AZIN2: variants seen among roughly 807,000 people sequenced by gnomAD.
The protein encoded by AZIN2 is ODC antizyme inhibitor-2.
A neutral mutation model predicts 47.8 loss-of-function variants in AZIN2; 28 were observed. The observed-to-expected ratio is 0.59, with a 90% CI of 0.43 to 0.80. AZIN2 has a LOEUF of 0.80. Ranked by LOEUF, AZIN2 falls within the 30% of genes least tolerant of loss-of-function variation. The probability of loss-of-function intolerance (pLI) is 0.00; values close to 1 mark genes in which losing one functional copy is unlikely to be tolerated. For missense variants in AZIN2, 535 were observed against 582.5 expected, an observed-to-expected ratio of 0.92 and a Z score of 0.84; for synonymous variants, 221 against 239.4, an observed-to-expected ratio of 0.92 and a Z score of 0.71.
chr1:33,100,437 T>A (rs1643591214), intron 10 of AZIN2, among the ~76,000 whole-genome samples: 1 of 152,230 alleles, frequency 6.6e-6, no homozygotes, highest in South Asian at 2.1e-4. Context: ...TTTTGGTTTT[T>A]ATTTTTATAA....
At chr1:33,096,348 C>T (rs1643149760) in intron 8 of AZIN2, among the ~76,000 whole-genome samples, 1 of 152,132 alleles carries the variant, frequency 6.6e-6, no homozygotes, top group South Asian at 2.1e-4. Context: ...CCACACGGTT[C>T]AAACCTGTGT....
the AZIN2 span, among the ~76,000 whole-genome samples, chr1:33,160,616 G>C: frequency 1.3e-5 from 2 of 152,050 alleles, no homozygotes; most frequent in African/African-American, 2.4e-5. Context: ...TGTTGGCCAG[G>C]CTGGTCTCAA....
At chr1:33,159,692 C>T in the AZIN2 span, 40 of 1,606,534 alleles carry the variant, frequency 2.5e-5, no homozygotes, top group East Asian at 4.5e-5. This position sits in a 1 kb window ranked among gnomAD's most constrained non-coding sequence, Gnocchi z 4.2. Context: ...ACTTACCGCT[C>T]GGACAGTGAG....
intron 5 of AZIN2, among the ~76,000 whole-genome samples, chr1:33,084,731 G>A (rs1235270749): frequency 1.3e-5 from 2 of 152,004 alleles, no homozygotes; most frequent in Non-Finnish European, 2.9e-5. Context: ...CCGAGTAGAT[G>A]GGATTACAGG....
At chr1:33,135,095 G>A in the AZIN2 span, among the ~76,000 whole-genome samples, 2 of 152,274 alleles carry the variant, frequency 1.3e-5, no homozygotes, top group African/African-American at 2.4e-5. Context: ...AGACCAGCCT[G>A]GCCAACATGG....
intron 10 of AZIN2, among the ~76,000 whole-genome samples, chr1:33,099,630 C>T (rs901742519): frequency 2.0e-5 from 3 of 152,208 alleles, no homozygotes; most frequent in Non-Finnish European, 4.4e-5. Context: ...ACTGCCACGC[C>T]CCCCACCGGG....
At chr1:33,104,791 G>A (rs755026975) in intron 10 of AZIN2, among the ~76,000 whole-genome samples, 1 of 152,042 alleles carries the variant, frequency 6.6e-6, no homozygotes, top group Non-Finnish European at 1.5e-5. Context: ...CTCCACCTCC[G>A]AGGCTCAAGC....
the AZIN2 span, chr1:33,158,159 AC>A: frequency 8.6e-7 from 1 of 1,162,794 alleles, no homozygotes; most frequent in Non-Finnish European, 1.3e-6. Flanking sequence ...CTGCTCATTC[AC>A]CCCAACTGCC....
intron 8 of AZIN2, 68 bp from the exon 9 acceptor site, chr1:33,096,639 G>C: frequency 6.4e-7 from 1 of 1,573,208 alleles, no homozygotes; most frequent in South Asian, 1.1e-5. Flanking sequence ...ACTTGGAGCT[G>C]TAGCAAGTCT....
chr1:33,098,195 G>C lies in AZIN2; in HGVS notation c.1029+16G>C. The C allele has an allele frequency of 6.4e-7, 1 of 1,572,660 alleles. No individual in the cohort carries two copies. Among genetic ancestry groups the C allele is most frequent in the South Asian group, 1.1e-5 (1 of 87,770 alleles). On this transcript the variant is annotated intron_variant, in intron 10 of 11. Coordinates refer to ENST00000294517, the MANE Select transcript of AZIN2 (RefSeq NM_052998.4). ...CCTGCAGAAGGTGAGCTTACCCCAC[G>C]TGGGCCTGTTTTCAGTTGTGTGTGT...
intron 8 of AZIN2, among the ~76,000 whole-genome samples, chr1:33,095,027 C>T (rs1330576377): frequency 6.6e-6 from 1 of 152,214 alleles, no homozygotes; most frequent in African/African-American, 2.4e-5. Flanking sequence ...TAGGCCTCTT[C>T]ACCCTAAGGT....
chr1:33,117,297 T>A (rs891009922), intron 10 of AZIN2, among the ~76,000 whole-genome samples: 4 of 152,064 alleles, frequency 2.6e-5, no homozygotes, highest in African/African-American at 9.7e-5. Flanking sequence ...TACTGCTGGC[T>A]CCTGTTGTGG....
At chr1:33,090,383 AATCAGGTGCC>A (rs1557674736) in intron 5 of AZIN2, among the ~76,000 whole-genome samples, 1 of 152,180 alleles carries the variant, frequency 6.6e-6, no homozygotes, top group East Asian at 1.9e-4. Flanking sequence ...TTAATGCAGC[AATCAGGTGCC>A]CACAGGTTCT....
At chr1:33,117,537 G>A (rs929263169) in intron 10 of AZIN2, among the ~76,000 whole-genome samples, 1 of 152,190 alleles carries the variant, frequency 6.6e-6, no homozygotes, top group Non-Finnish European at 1.5e-5. Flanking sequence ...GCCGTGTGCC[G>A]CCACTGTTCT....
At chr1:33,131,122 C>G in the AZIN2 span, among the ~76,000 whole-genome samples, 1 of 152,124 alleles carries the variant, frequency 6.6e-6, no homozygotes, top group Admixed American at 6.5e-5. Flanking sequence ...CCACTGTGAG[C>G]TGGGGAAGAA....
At chr1:33,083,592 T>G (rs1557661461) in intron 4 of AZIN2, 4 of 339,640 alleles carry the variant, frequency 1.2e-5, no homozygotes, top group East Asian at 7.0e-5. Flanking sequence ...AGAGTTGCCT[T>G]ATTGGTTTGG....
At chr1:33,094,829 G>A in intron 8 of AZIN2, 116 bp downstream of exon 8, 40 of 1,079,530 alleles carry the variant, frequency 3.7e-5, no homozygotes, top group Non-Finnish European at 4.7e-5. Context: ...TGCAGTGCTT[G>A]GTGCTTACCT....
chr1:33,127,053 G>A (rs1437763569), downstream of AZIN2, among the ~76,000 whole-genome samples: 1 of 152,168 alleles, frequency 6.6e-6, no homozygotes, highest in Non-Finnish European at 1.5e-5. Flanking sequence ...GGATTCCTCA[G>A]GCTGAGCAAA....
At chr1:33,143,457 G>A in the AZIN2 span, among the ~76,000 whole-genome samples, 1 of 152,148 alleles carries the variant, frequency 6.6e-6, no homozygotes, top group Non-Finnish European at 1.5e-5. Context: ...GAGGATGGGG[G>A]AGGGCTTGGG....
Sources: gnomAD v4.1 joint callset for allele counts (sites outside exome capture counted in the v4.1 genomes callset) on GRCh38, gnomAD v4.1.1 for gene constraint, Gnocchi (gnomAD v3.1) non-coding constraint, MANE v1.5 for transcripts, NCBI Gene and HGNC (gene_info 2026-07-23, HGNC 2026-07-21) for gene names.